Variants in PLPP1 observed in about 807,000 individuals in gnomAD.
PLPP1 encodes lipid phosphate phosphohydrolase 1a.
A neutral mutation model predicts 31.2 loss-of-function variants in PLPP1; 24 were observed. The ratio of observed to expected loss-of-function variants is 0.77; its 90% CI spans 0.56 to 1.08. PLPP1 has a LOEUF of 1.08. PLPP1 is among the 50% of genes least tolerant of loss of function. The pLI, the probability that PLPP1 is intolerant of heterozygous loss-of-function variation, is 0.00. For synonymous variants in PLPP1, 146 were observed against 126.3 expected, an observed-to-expected ratio of 1.16 and a Z score of -1.05; for missense variants, 319 against 342.7, an observed-to-expected ratio of 0.93 and a Z score of 0.55.
intron 1 of PLPP1, among the ~76,000 whole-genome samples, chr5:55,532,780 A>T (rs569294400): frequency 2.4e-4 from 37 of 152,156 alleles, no homozygotes; most frequent in African/African-American, 8.9e-4. Context: ...AAGACGGTGA[A>T]ACCCCGTCTC....
At chr5:55,468,199 T>A in intron 2 of PLPP1, 50 bp from the exon 3 acceptor site, 1 of 1,453,008 alleles carries the variant, frequency 6.9e-7, no homozygotes, top group Non-Finnish European at 9.3e-7. Flanking sequence ...GCAGGCACTT[T>A]AAACAAAACA....
intron 1 of PLPP1, among the ~76,000 whole-genome samples, chr5:55,531,464 G>T (rs1477424591): frequency 2.6e-5 from 4 of 152,156 alleles, no homozygotes; most frequent in African/African-American, 9.7e-5. Context: ...TATTAAAATG[G>T]CTATACTGTA....
intron 4 of PLPP1, among the ~76,000 whole-genome samples, chr5:55,439,767 G>A (rs1234174537): frequency 6.6e-6 from 1 of 152,166 alleles, no homozygotes; most frequent in Non-Finnish European, 1.5e-5. Flanking sequence ...GGTGTTTTGA[G>A]AAGGGTCAAG....
At chr5:55,482,524 T>C (rs533299925) in intron 1 of PLPP1, among the ~76,000 whole-genome samples, 4 of 152,314 alleles carry the variant, frequency 2.6e-5, no homozygotes, top group South Asian at 2.1e-4. Flanking sequence ...GTGAAGATTA[T>C]TGTCTTACTG....
chr5:55,478,095 A>G (rs2111818675), intron 1 of PLPP1, among the ~76,000 whole-genome samples: 1 of 152,262 alleles, frequency 6.6e-6, no homozygotes. Flanking sequence ...GCCCTAATAC[A>G]CATGCCCAAA....
Position 55,467,861 on chromosome 5 carries a change from A to T in PLPP1, c.491+8T>A, listed in dbSNP as rs1561234473. ...AGATTAAACAAGCATTAGCGATTTA[A>T]CACTCACCTGCCTTCCTTAACTCTT... On this transcript the variant is annotated splice_region_variant and intron_variant, in intron 3 of 5. Coordinates refer to ENST00000307259, the MANE Select transcript of PLPP1 (RefSeq NM_003711.4). 6.2e-7 allele frequency: 1 copy of T among 1,603,912 alleles called. No individual in the cohort carries two copies. Among genetic ancestry groups the T allele is most frequent in the Non-Finnish European group, 8.5e-7 (1 of 1,174,470 alleles).
chr5:55,471,794 T>C (rs1474736146), intron 2 of PLPP1, among the ~76,000 whole-genome samples: 2 of 152,178 alleles, frequency 1.3e-5, no homozygotes, highest in East Asian at 1.9e-4. Context: ...TGAAAGAGGC[T>C]GAGTTAATGA....
chr5:55,519,971 G>GT (rs1753630043), intron 1 of PLPP1, among the ~76,000 whole-genome samples: 1 of 152,130 alleles, frequency 6.6e-6, no homozygotes. Context: ...AAGTGGCAAT[G>GT]TTTAACTCAT....
At chr5:55,467,017 C>T (rs1218219747) in intron 3 of PLPP1, among the ~76,000 whole-genome samples, 1 of 152,146 alleles carries the variant, frequency 6.6e-6, no homozygotes, top group African/African-American at 2.4e-5. Flanking sequence ...AAAGTTGGAT[C>T]TTCTGAGTTC....
At chr5:55,518,456 G>T (rs1442596626) in intron 1 of PLPP1, among the ~76,000 whole-genome samples, 2 of 151,968 alleles carry the variant, frequency 1.3e-5, no homozygotes, top group South Asian at 2.1e-4. Flanking sequence ...ACCGCGCCCG[G>T]CCTTTTTTCA....
At chr5:55,533,507 G>A (rs1360162444) in intron 1 of PLPP1, among the ~76,000 whole-genome samples, 1 of 152,148 alleles carries the variant, frequency 6.6e-6, no homozygotes, top group African/African-American at 2.4e-5. Context: ...AAACTGGAGA[G>A]TGGAATAACT....
intron 3 of PLPP1, among the ~76,000 whole-genome samples, chr5:55,450,110 C>G (rs535078016): frequency 6.6e-6 from 1 of 152,244 alleles, no homozygotes; most frequent in African/African-American, 2.4e-5. Context: ...TTTAAAGCTA[C>G]TCTATTATAT....
At chr5:55,525,291 C>T (rs886122948) in intron 1 of PLPP1, among the ~76,000 whole-genome samples, 2 of 152,206 alleles carry the variant, frequency 1.3e-5, no homozygotes, top group Non-Finnish European at 2.9e-5. Flanking sequence ...ACTTAAGTCT[C>T]ATTTAAGATA....
intron 1 of PLPP1, among the ~76,000 whole-genome samples, chr5:55,481,430 G>C (rs1003416984): frequency 2.6e-5 from 4 of 152,118 alleles, no homozygotes; most frequent in Admixed American, 6.6e-5. Flanking sequence ...AGATGCCCAA[G>C]AGAGAGTGGC....
At chr5:55,441,978 C>T in intron 3 of PLPP1, 70 bp from the exon 4 acceptor site, 2 of 1,464,022 alleles carry the variant, frequency 1.4e-6, no homozygotes, top group South Asian at 1.2e-5. Flanking sequence ...TTTCATAAAT[C>T]TGCTCCTTAG....
chr5:55,441,954 A>T, intron 3 of PLPP1, 46 bp from the exon 4 acceptor site: 1 of 1,562,722 alleles, frequency 6.4e-7, no homozygotes, highest in Non-Finnish European at 8.8e-7. Context: ...CTTAGGAGCC[A>T]AAAGTATTGT....
At chr5:55,483,706 T>G (rs1752717836) in intron 1 of PLPP1, among the ~76,000 whole-genome samples, 1 of 151,586 alleles carries the variant, frequency 6.6e-6, no homozygotes, top group African/African-American at 2.4e-5. Flanking sequence ...TTAGAAATTT[T>G]GGGTTGAGAG....
At chr5:55,532,314 T>C (rs570994253) in intron 1 of PLPP1, among the ~76,000 whole-genome samples, 93 of 152,322 alleles carry the variant, frequency 6.1e-4, no homozygotes, top group African/African-American at 2.2e-3. Context: ...GTTTCAGCCA[T>C]TCTAATCACT....
intron 3 of PLPP1, among the ~76,000 whole-genome samples, chr5:55,463,376 G>A (rs973625633): frequency 3.9e-5 from 6 of 152,114 alleles, no homozygotes; most frequent in Middle Eastern, 3.4e-3. Context: ...AAAATAAAAA[G>A]TTGGGCCAGG....
Sources: gnomAD v4.1 joint callset for allele counts (sites outside exome capture counted in the v4.1 genomes callset) on GRCh38, gnomAD v4.1.1 for gene constraint, MANE v1.5 for transcripts, NCBI Gene and HGNC (gene_info 2026-07-23, HGNC 2026-07-21) for gene names.